PUDP: variants seen among roughly 807,000 people sequenced by gnomAD.
PUDP encodes the protein pseudouridine-5'-phosphatase.
Under a neutral mutation model 9.4 loss-of-function variants are expected in PUDP, and 8 were observed. That is an observed-to-expected ratio of 0.85 (90% CI 0.50 to 1.53). The LOEUF (loss-of-function observed/expected upper bound fraction) is 1.53, where lower values mean the gene tolerates loss of function less well. Among genes scored for constraint, PUDP ranks in the 40% most tolerant of loss-of-function variants. The pLI is 0.00. For synonymous variants in PUDP, 99 were observed against 80.7 expected (o/e 1.23, Z -1.22); for missense variants, 188 against 189.7 (o/e 0.99, Z 0.05).
At chrX:6,905,617 T>G (rs1159930120) in intron 3 of PUDP, among the ~76,000 whole-genome samples, 1 of 111,272 alleles carries the variant, frequency 9.0e-6, no homozygotes, top group Non-Finnish European at 1.9e-5. Flanking sequence ...TCCAGTCACC[T>G]TCCACTAGGT....
At chrX:6,973,067 T>A (rs1215681203) in intron 3 of PUDP, among the ~76,000 whole-genome samples, 1 of 112,179 alleles carries the variant, frequency 8.9e-6, no homozygotes, top group Non-Finnish European at 1.9e-5. Context: ...TCTTTGTAAT[T>A]TTTTATTGTG....
At chrX:6,960,549 C>A (rs67778305) in intron 3 of PUDP, among the ~76,000 whole-genome samples, 22 of 110,899 alleles carry the variant, frequency 2.0e-4, no homozygotes, top group Non-Finnish European at 4.0e-4. Flanking sequence ...TCCAGAATTG[C>A]GAGCCAATAC....
Position 7,077,450 on chromosome X carries a change from CT to C in PUDP, c.281-2del, listed in dbSNP as rs1336398878. The C allele has an allele frequency of 1.7e-6, 2 of 1,200,278 alleles. No individual in the cohort carries two copies. The highest frequency in any genetic ancestry group is 5.9e-5 in the East Asian group (2 of 33,658). On this transcript the variant is annotated splice_acceptor_variant, in intron 2 of 3. Coordinates refer to ENST00000381077, the MANE Select transcript of PUDP (RefSeq NM_012080.5). LOFTEE classifies it high-confidence loss of function. ...AGGTGGATGATGAGTTTCTCCGCCCCTGGGGAGGAGGAGGGAAGGACTGAGG... is the reference window on the plus strand; with the variant it reads ...AGGTGGATGATGAGTTTCTCCGCCCCGGGGAGGAGGAGGGAAGGACTGAGG...
intron 3 of PUDP, among the ~76,000 whole-genome samples, chrX:6,933,494 T>C (rs748727045): frequency 9.1e-6 from 1 of 109,306 alleles, no homozygotes; most frequent in African/African-American, 3.3e-5. Context: ...TACATCACCA[T>C]CATCAAAGAC....
chrX:6,715,586 C>CT (rs200660769), intron 1 of PUDP, among the ~76,000 whole-genome samples: 2,345 of 112,201 alleles, frequency 0.021, 64 homozygotes, highest in African/African-American at 0.071. Flanking sequence ...GATAACTAGA[C>CT]TTTTTTTAAA....
intron 2 of PUDP, among the ~76,000 whole-genome samples, chrX:7,099,298 AT>A (rs779350236): frequency 6.7e-4 from 75 of 112,623 alleles, no homozygotes; most frequent in African/African-American, 2.3e-3. Context: ...CTAAGTGAAG[AT>A]TTTTTTTAAG....
intron 3 of PUDP, among the ~76,000 whole-genome samples, chrX:6,845,107 A>T (rs1167945838): frequency 1.8e-5 from 2 of 112,061 alleles, no homozygotes; most frequent in Admixed American, 1.9e-4. Context: ...GATACACCGA[A>T]ATCAATGTTT....
chrX:7,096,803 T>C (rs1390065812), intron 2 of PUDP, among the ~76,000 whole-genome samples: 1 of 111,315 alleles, frequency 9.0e-6, no homozygotes, highest in East Asian at 2.8e-4. Flanking sequence ...ACCACTGCAC[T>C]GCAGCCTGGG....
chrX:6,981,020 C>T (rs1929025364), intron 1 of PUDP, among the ~76,000 whole-genome samples: 1 of 111,630 alleles, frequency 9.0e-6, no homozygotes, highest in Non-Finnish European at 1.9e-5. Context: ...GTGTGATACT[C>T]ATCTCCACAT....
intron 2 of PUDP, among the ~76,000 whole-genome samples, chrX:7,080,081 C>A (rs760691679): frequency 2.4e-4 from 27 of 111,788 alleles, no homozygotes; most frequent in Middle Eastern, 9.2e-3. Flanking sequence ...AGACTCCTAG[C>A]TAAACTGATC....
rs191983741 is a variant in PUDP at position 6,942,571 on chromosome X, C to A, written c.*247+34562G>T. On this transcript the variant is annotated intron_variant and NMD_transcript_variant, in intron 3 of 3. Transcript: ENST00000655425. ...TATTTTGGGGTGGTGTATTCTAATACCTTTTAGGTACCCTAAGGATGAATA... is the reference window on the plus strand; with the variant it reads ...TATTTTGGGGTGGTGTATTCTAATAACTTTTAGGTACCCTAAGGATGAATA... Among the ~76,000 whole-genome samples the A allele has an allele frequency of 7.1e-5, 8 of 111,980 alleles. No homozygotes were observed. In the Admixed American group the frequency reaches 7.6e-4, roughly 11 times the overall value.
chrX:7,132,345 C>T (rs1379003868), intron 1 of PUDP, among the ~76,000 whole-genome samples: 3 of 112,240 alleles, frequency 2.7e-5, no homozygotes, highest in Non-Finnish European at 5.6e-5. Context: ...ACCTGCCTTC[C>T]GCCATCTGAA....
intron 3 of PUDP, among the ~76,000 whole-genome samples, chrX:6,964,260 G>A (rs776620080): frequency 1.8e-5 from 2 of 112,348 alleles, no homozygotes; most frequent in Non-Finnish European, 3.7e-5. Context: ...AGGAAATGGT[G>A]AGAAATGCAC....
intron 3 of PUDP, among the ~76,000 whole-genome samples, chrX:6,932,553 C>G (rs761378715): frequency 6.6e-4 from 73 of 111,241 alleles, no homozygotes; most frequent in African/African-American, 2.2e-3. Flanking sequence ...ACGCAGAAGA[C>G]GGTGATTTCT....
At chrX:7,070,055 G>A (rs1930681485) in intron 3 of PUDP, among the ~76,000 whole-genome samples, 1 of 111,637 alleles carries the variant, frequency 9.0e-6, no homozygotes, top group African/African-American at 3.3e-5. Context: ...ACTCTTGATA[G>A]TCTGTCTTTT....
At chrX:6,977,477 G>A (rs1219663638) in intron 2 of PUDP, among the ~76,000 whole-genome samples, 2 of 112,060 alleles carry the variant, frequency 1.8e-5, no homozygotes, top group Non-Finnish European at 3.8e-5. Flanking sequence ...AATAATCAAT[G>A]GAATAAATTT....
chrX:6,876,953 A>C (rs1224890105), intron 3 of PUDP, among the ~76,000 whole-genome samples: 1 of 90,752 alleles, frequency 1.1e-5, no homozygotes, highest in Admixed American at 1.2e-4. Context: ...ATATGTGTAC[A>C]CACACACACA....
intron 1 of PUDP, among the ~76,000 whole-genome samples, chrX:6,711,972 A>G (rs1025600539): frequency 9.0e-6 from 1 of 111,505 alleles, no homozygotes; most frequent in African/African-American, 3.3e-5. Context: ...GCAGCATTCA[A>G]TGTTTCTTTC....
intron 3 of PUDP, among the ~76,000 whole-genome samples, chrX:6,864,336 A>C (rs1457964141): frequency 2.7e-5 from 3 of 112,173 alleles, no homozygotes; most frequent in Non-Finnish European, 5.6e-5. Context: ...TGAAGTTAAA[A>C]GGATAAGAAA....
Sources: gnomAD v4.1 joint callset for allele counts (sites outside exome capture counted in the v4.1 genomes callset) on GRCh38, gnomAD v4.1.1 for gene constraint, MANE v1.5 for transcripts, NCBI Gene and HGNC (gene_info 2026-07-23, HGNC 2026-07-21) for gene names.